The following TMEM131L variants were observed in gnomAD, a reference collection of about 807,000 sequenced individuals.
TMEM131L encodes transmembrane 131 like, also known as transmembrane protein 131-like.
Under a neutral mutation model 192.2 loss-of-function variants are expected in TMEM131L, and 54 were observed. That is an observed-to-expected ratio of 0.28 (90% CI 0.23 to 0.35). The LOEUF (loss-of-function observed/expected upper bound fraction) is 0.35, where lower values mean the gene tolerates loss of function less well. TMEM131L is among the 10% of genes least tolerant of loss of function. The pLI is 1.00. For missense variants in TMEM131L, 1,888 were observed against 1,972.9 expected, an observed-to-expected ratio of 0.96 and a Z score of 0.82; for synonymous variants, 701 against 704.9, an observed-to-expected ratio of 0.99 and a Z score of 0.09.
chr4:153,571,646 G>A (rs576732420), intron 7 of TMEM131L, among the ~76,000 whole-genome samples: 23 of 152,240 alleles, frequency 1.5e-4, no homozygotes, highest in African/African-American at 5.5e-4. Context: ...TACAACCTTG[G>A]CCTCCCGAGC....
Position 153,558,651 on chromosome 4 carries a change from A to AT in TMEM131L, c.660+287dup, listed in dbSNP as rs536200010. The AT allele has an allele frequency of 4.8e-4, 87 of 183,146 alleles. 1 individual carries two copies. The highest frequency in any genetic ancestry group is 4.4e-3 in the South Asian group (25 of 5,636). The allele number at this position is 183,146 out of a possible 1,614,324, so 11.3% of individuals were successfully genotyped here. On this transcript the variant is annotated intron_variant, in intron 7 of 34. Coordinates refer to ENST00000409959, the MANE Select transcript of TMEM131L (RefSeq NM_001131007.2). ...TATACCTATTTTATAAGTTTCTTTAATTTTCCTTCTGAATCCTCTGTTTCC... is the reference window on the plus strand; with the variant it reads ...TATACCTATTTTATAAGTTTCTTTAATTTTTCCTTCTGAATCCTCTGTTTCC...
intron 3 of TMEM131L, among the ~76,000 whole-genome samples, chr4:153,492,370 A>G (rs1381615748): frequency 6.6e-6 from 1 of 152,182 alleles, no homozygotes; most frequent in Non-Finnish European, 1.5e-5. Context: ...GAAAATTAGA[A>G]TTTTAGCTAA....
chr4:153,466,766 C>A (rs892062114), intron 1 of TMEM131L, among the ~76,000 whole-genome samples: 2 of 152,178 alleles, frequency 1.3e-5, no homozygotes, highest in Admixed American at 6.5e-5. Flanking sequence ...TAGCCGCTCG[C>A]GCCCTGGAGC....
rs1402765296 is a variant in TMEM131L at position 153,588,902 on chromosome 4, G to C, written c.1565G>C (p.Trp522Ser). The C allele has an allele frequency of 6.4e-7, 1 of 1,569,606 alleles. No individual in the cohort carries two copies. The highest frequency in any genetic ancestry group is 8.8e-7 in the Non-Finnish European group (1 of 1,140,076). Residue 522 changes from tryptophan to serine, a missense_variant, in exon 16 of 35, where the codon TGG becomes TCG. Physicochemically the swap from Trp to Ser is radical, Grantham distance 177. Coordinates refer to ENST00000409959, the MANE Select transcript of TMEM131L (RefSeq NM_001131007.2). Reference protein sequence around the residue: ...MGKSKAGNPNWNGSLSLDQST... With the variant: ...MGKSKAGNPNSNGSLSLDQST... The stretch of plus-strand genomic sequence containing the variant: ...ATCTAACTTTTAGGAAATCCTAATT[G>C]GAATGGGAGCCTTTCTCTGGATCAA...
intron 3 of TMEM131L, among the ~76,000 whole-genome samples, chr4:153,541,088 C>T (rs542065577): frequency 2.0e-5 from 3 of 152,080 alleles, no homozygotes; most frequent in Admixed American, 6.6e-5. Context: ...CCTACCCTAG[C>T]GTCTAGGAAA....
intron 29 of TMEM131L, among the ~76,000 whole-genome samples, chr4:153,623,866 C>G (rs7676717): frequency 3.6e-4 from 55 of 151,546 alleles, no homozygotes; most frequent in African/African-American, 1.3e-3. Context: ...TTTCAGTTAC[C>G]CAGAACTAAC....
At chr4:153,546,613 C>T (rs890336821) in intron 3 of TMEM131L, among the ~76,000 whole-genome samples, 4 of 152,176 alleles carry the variant, frequency 2.6e-5, no homozygotes, top group African/African-American at 9.7e-5. Flanking sequence ...TTTGTTCTCT[C>T]CCACACTCCC....
At chr4:153,532,332 G>A (rs2150245057) in intron 3 of TMEM131L, among the ~76,000 whole-genome samples, 1 of 151,626 alleles carries the variant, frequency 6.6e-6, no homozygotes, top group South Asian at 2.1e-4. Flanking sequence ...ATGGGTACAT[G>A]TGTGAGAAGA....
At chr4:153,626,385 G>A (rs372161841) in intron 30 of TMEM131L, among the ~76,000 whole-genome samples, 160 bp downstream of exon 30, 5 of 152,178 alleles carry the variant, frequency 3.3e-5, no homozygotes, top group South Asian at 2.1e-4. Flanking sequence ...CAGGAGTGGC[G>A]CAAGTAAACA....
intron 3 of TMEM131L, among the ~76,000 whole-genome samples, chr4:153,481,827 T>C (rs1731965243): frequency 6.6e-6 from 1 of 151,440 alleles, no homozygotes; most frequent in Non-Finnish European, 1.5e-5. Context: ...CGTGAGCCAC[T>C]GCGCCTGGCC....
At chr4:153,526,768 A>G (rs979226160) in intron 3 of TMEM131L, among the ~76,000 whole-genome samples, 1 of 151,972 alleles carries the variant, frequency 6.6e-6, no homozygotes, top group African/African-American at 2.4e-5. Flanking sequence ...GCTGTCTTAT[A>G]TGAGGCCAGT....
intron 7 of TMEM131L, among the ~76,000 whole-genome samples, chr4:153,569,783 T>C (rs1380803152): frequency 6.6e-6 from 1 of 152,244 alleles, no homozygotes; most frequent in African/African-American, 2.4e-5. Flanking sequence ...AGCTTAGAAC[T>C]AGTCTCTGGC....
intron 4 of TMEM131L, among the ~76,000 whole-genome samples, chr4:153,550,810 G>C (rs577998329): frequency 1.6e-3 from 242 of 152,188 alleles, no homozygotes; most frequent in African/African-American, 5.7e-3. Flanking sequence ...GTGCCTTCTG[G>C]ATTCAAAATT....
intron 25 of TMEM131L, among the ~76,000 whole-genome samples, chr4:153,606,199 G>A (rs868601609): frequency 2.6e-5 from 4 of 152,178 alleles, no homozygotes; most frequent in South Asian, 4.1e-4. Flanking sequence ...TTTGTGAAAA[G>A]GTGAATTATG....
chr4:153,472,562 C>T (rs945882191), intron 2 of TMEM131L, among the ~76,000 whole-genome samples: 1 of 152,122 alleles, frequency 6.6e-6, no homozygotes, highest in African/African-American at 2.4e-5. Flanking sequence ...AACACCTGCC[C>T]TTGTGATGCT....
At chr4:153,534,117 A>G (rs1339571251) in intron 3 of TMEM131L, among the ~76,000 whole-genome samples, 1 of 152,256 alleles carries the variant, frequency 6.6e-6, no homozygotes, top group Non-Finnish European at 1.5e-5. Flanking sequence ...TTTATAAATC[A>G]ATGACACCGG....
At chr4:153,478,053 A>G (rs967248810) in intron 3 of TMEM131L, among the ~76,000 whole-genome samples, 1 of 152,208 alleles carries the variant, frequency 6.6e-6, no homozygotes, top group Non-Finnish European at 1.5e-5. Context: ...TATATGTTTT[A>G]TCTTCCTGAT....
chr4:153,612,361 A>C lies in TMEM131L; in HGVS notation c.3528A>C (p.Glu1176Asp). The change falls in exon 26 of 35, where the codon GAA becomes GAC. Residue 1176 changes from glutamate (E) to aspartate (D), a missense_variant. Transcript: ENST00000409959. Reference sequence around the variant, plus strand: ...AGAAGATTCACAAAACATCTAGAGAAGACATGTTTTCTGAGAAACAGGACA... The same window carrying C: ...AGAAGATTCACAAAACATCTAGAGACGACATGTTTTCTGAGAAACAGGACA... The part of the protein sequence containing the change: ...SEKKIHKTSR[E>D]DMFSEKQDIP... 1 of 1,597,072 alleles carries C rather than the reference A, an allele frequency of 6.3e-7. No individual in the cohort carries two copies.
chr4:153,586,977 A>G (rs1730742455), intron 14 of TMEM131L, among the ~76,000 whole-genome samples: 1 of 152,058 alleles, frequency 6.6e-6, no homozygotes, highest in South Asian at 2.1e-4. Context: ...GCTATTTTGT[A>G]TAACTCTGGG....
Sources: allele counts gnomAD v4.1 joint callset (sites outside exome capture counted in the v4.1 genomes callset), GRCh38; gene constraint gnomAD v4.1.1; transcripts MANE v1.5; gene names NCBI Gene and HGNC (gene_info 2026-07-23, HGNC 2026-07-21).